The following DEK variants were observed in gnomAD, a reference collection of about 807,000 sequenced individuals.
DEK encodes the protein DEK proto-oncogene, also known as protein DEK.
In DEK, 28 loss-of-function variants were observed where a neutral mutation model predicts 46.8. The observed-to-expected ratio is 0.60, with a 90% CI of 0.44 to 0.82. DEK has a LOEUF of 0.82. DEK is among the 40% of genes least tolerant of loss of function. The pLI is 0.00. For missense variants in DEK, 416 were observed against 430.6 expected, an observed-to-expected ratio of 0.97 and a Z score of 0.30; for synonymous variants, 160 against 144.5, an observed-to-expected ratio of 1.11 and a Z score of -0.77.
intron 6 of DEK, among the ~76,000 whole-genome samples, chr6:18,252,442 A>T (rs1791420271): frequency 7.0e-6 from 1 of 143,660 alleles, no homozygotes; most frequent in Admixed American, 7.5e-5. Flanking sequence ...CCAGGAGGTC[A>T]AGGTTGCATT....
intron 9 of DEK, among the ~76,000 whole-genome samples, chr6:18,234,090 G>GA (rs1561975872): frequency 2.7e-5 from 4 of 147,044 alleles, no homozygotes; most frequent in African/African-American, 1.0e-4. Context: ...CGCAAGGACA[G>GA]AAAACCAAAC....
chr6:18,263,819 C>T, intron 2 of DEK, 24 bp downstream of exon 2: 2 of 1,611,216 alleles, frequency 1.2e-6, no homozygotes, highest in South Asian at 2.2e-5. Context: ...AAAAATTCAT[C>T]AGTTGGGATG....
intron 2 of DEK, among the ~76,000 whole-genome samples, chr6:18,259,364 C>T (rs1468563155): frequency 3.3e-5 from 4 of 122,720 alleles, no homozygotes; most frequent in African/African-American, 1.3e-4. Context: ...CACTGCACCT[C>T]AGCCTGGGCG....
chr6:18,227,281 G>C (rs575869160), intron 9 of DEK, among the ~76,000 whole-genome samples: 1 of 152,126 alleles, frequency 6.6e-6, no homozygotes. Flanking sequence ...TATAAAACCC[G>C]ATTGTACGTT....
At position 18,235,084 on chromosome 6, in the gene DEK, A is replaced by G. The variant is rs140485237; in HGVS notation, c.1047+1368T>C. Among the ~76,000 whole-genome samples, 4 of 152,328 alleles carry G rather than the reference A, an allele frequency of 2.6e-5. No homozygotes were observed. The East Asian group carries it at 7.7e-4, about 29-fold the overall frequency. On this transcript the variant is annotated intron_variant, in intron 9 of 10. Coordinates refer to ENST00000652689, the MANE Select transcript of DEK (RefSeq NM_003472.4). ...CTCTCCACTCCACACTGTCATTTTA[A>G]TGATGATATAACTGGGTGTCCTGCC... is the stretch of plus-strand genomic sequence containing the variant.
Position 18,251,086 on chromosome 6 carries a change from G to A in DEK, c.574-1247C>T, listed in dbSNP as rs892855538. On this transcript the variant is annotated intron_variant, in intron 6 of 10. Coordinates refer to ENST00000652689, the MANE Select transcript of DEK (RefSeq NM_003472.4). ...TTTAATTTTTAAGTGCTTTCTCAAG[G>A]AAGTTTTGCTAAATTCTAAAATTGA... 4.6e-5 allele frequency among the ~76,000 whole-genome samples: 7 copies of A among 152,106 alleles called. No individual in the cohort carries two copies. In the South Asian group the frequency reaches 1.5e-3, roughly 32 times the overall value.
chr6:18,246,260 C>A (rs1214378447), intron 7 of DEK, among the ~76,000 whole-genome samples: 1 of 152,208 alleles, frequency 6.6e-6, no homozygotes, highest in Admixed American at 6.5e-5. Flanking sequence ...TCCACCACTT[C>A]CTTCCCAATT....
chr6:18,244,352 A>G (rs1348879034), intron 7 of DEK, among the ~76,000 whole-genome samples: 1 of 152,226 alleles, frequency 6.6e-6, no homozygotes, highest in Non-Finnish European at 1.5e-5. Context: ...ACAATGTACT[A>G]TAACCTAAAT....
chr6:18,259,471 C>T (rs1440528858), intron 2 of DEK, among the ~76,000 whole-genome samples: 1 of 88,960 alleles, frequency 1.1e-5, no homozygotes, highest in Non-Finnish European at 2.5e-5. Context: ...AAATTCAAAA[C>T]ATTAAGCTCC....
chr6:18,226,933 T>G (rs982732422), intron 9 of DEK, among the ~76,000 whole-genome samples: 20 of 152,234 alleles, frequency 1.3e-4, no homozygotes, highest in Non-Finnish European at 2.5e-4. Context: ...GATTAAGGGC[T>G]GTGCAAGATG....
At chr6:18,247,126 G>GA (rs372087631) in intron 7 of DEK, among the ~76,000 whole-genome samples, 44 of 152,192 alleles carry the variant, frequency 2.9e-4, no homozygotes, top group African/African-American at 9.6e-4. Flanking sequence ...ATGGAATAAG[G>GA]AAAAACAAAG....
chr6:18,237,199 T>C, intron 8 of DEK, 182 bp downstream of exon 8: 1 of 591,836 alleles, frequency 1.7e-6, no homozygotes, highest in South Asian at 3.2e-5. Context: ...ATATATATAT[T>C]GCAAAATCTG....
At chr6:18,230,299 G>T (rs1210908314) in intron 9 of DEK, among the ~76,000 whole-genome samples, 1 of 152,126 alleles carries the variant, frequency 6.6e-6, no homozygotes, top group Non-Finnish European at 1.5e-5. Flanking sequence ...GACCATCGAT[G>T]CTAGGAAGAA....
At position 18,228,783 on chromosome 6, in the gene DEK, G is replaced by A. The variant is rs112479970; in HGVS notation, c.1048-2541C>T. On this transcript the variant is annotated intron_variant, in intron 9 of 10. Coordinates refer to ENST00000652689, the MANE Select transcript of DEK (RefSeq NM_003472.4). ...ACGGAGCCTCGCTCATTGCTAGCACGGCAGTGTAAGATTTAACTGCAAGGT... is the reference window on the plus strand; with the variant it reads ...ACGGAGCCTCGCTCATTGCTAGCACAGCAGTGTAAGATTTAACTGCAAGGT... Among the ~76,000 whole-genome samples, 631 of 152,334 alleles carry A rather than the reference G, an allele frequency of 4.1e-3. 1 individual carries two copies. Among genetic ancestry groups the A allele is most frequent in the Non-Finnish European group, 5.4e-3 (369 of 68,032 alleles).
intron 9 of DEK, among the ~76,000 whole-genome samples, chr6:18,235,633 T>C (rs1194147286): frequency 6.6e-6 from 1 of 152,224 alleles, no homozygotes; most frequent in Non-Finnish European, 1.5e-5. Context: ...ATGGCTTCTC[T>C]GGTTCCACCT....
chr6:18,247,708 G>C (rs533582856), intron 7 of DEK, among the ~76,000 whole-genome samples: 3 of 151,210 alleles, frequency 2.0e-5, no homozygotes, highest in Non-Finnish European at 2.9e-5. Flanking sequence ...AGTTTCGCTC[G>C]TTGCTCAGGC....
intron 8 of DEK, chr6:18,237,163 ATCTCTCTCTCTG>A (rs1000756835): frequency 2.7e-5 from 8 of 294,284 alleles, no homozygotes; most frequent in East Asian, 2.7e-4. Context: ...TCCCCAAGAT[ATCTCTCTCTCTG>A]TCTCTCTCTC....
intron 10 of DEK, 42 bp from the exon 11 acceptor site, chr6:18,225,772 C>G (rs771398092): frequency 1.2e-6 from 2 of 1,608,266 alleles, no homozygotes; most frequent in East Asian, 4.5e-5. Flanking sequence ...AAATCATAAA[C>G]CTTTATCCCA....
rs1235295669 is a variant in DEK, at chr6:18,225,237, G to A, written c.*482C>T. 3 of 229,420 alleles carry A rather than the reference G, an allele frequency of 1.3e-5. No individual in the cohort carries two copies. The East Asian group carries it at 1.9e-4, about 14-fold the overall frequency. 14.2% of individuals were successfully genotyped at this position (229,420 alleles called of 1,614,324 possible). On this transcript the variant is annotated 3_prime_UTR_variant, in exon 11 of 11. Transcript: ENST00000652689. ...TCAGTGATCTGGACAACTGTAGCTT[G>A]TATATTTTTAATATGATGGACACAC...
Sources: gnomAD v4.1 joint callset for allele counts (sites outside exome capture counted in the v4.1 genomes callset) on GRCh38, gnomAD v4.1.1 for gene constraint, MANE v1.5 for transcripts, NCBI Gene and HGNC (gene_info 2026-07-23, HGNC 2026-07-21) for gene names.